The following RALGPS1 variants were observed in gnomAD, a reference collection of about 807,000 sequenced individuals.
RALGPS1 encodes the protein ras-specific guanine nucleotide-releasing factor RalGPS1.
Under a neutral mutation model 78.8 loss-of-function variants are expected in RALGPS1, and 19 were observed. The observed-to-expected ratio is 0.24, with a 90% CI of 0.17 to 0.35. The LOEUF (loss-of-function observed/expected upper bound fraction) is 0.35, where lower values mean the gene tolerates loss of function less well. RALGPS1 is among the 10% of genes least tolerant of loss of function. The pLI is 1.00. For synonymous variants in RALGPS1, 228 were observed against 256.3 expected (o/e 0.89, Z 1.06); for missense variants, 454 against 688.3 (o/e 0.66, Z 3.81).
At chr9:126,927,404 GT>G (rs1375926927) in intron 1 of RALGPS1, among the ~76,000 whole-genome samples, 1 of 152,136 alleles carries the variant, frequency 6.6e-6, no homozygotes, top group African/African-American at 2.4e-5. Flanking sequence ...GAAACCGGTG[GT>G]GGGGGCACCA....
At chr9:126,991,163 G>A (rs1448054463) in intron 4 of RALGPS1, among the ~76,000 whole-genome samples, 1 of 152,162 alleles carries the variant, frequency 6.6e-6, no homozygotes, top group Non-Finnish European at 1.5e-5. Context: ...AAATTGGTCT[G>A]TTTTAACAGT....
At chr9:126,923,563 AT>A (rs2034974700) in intron 1 of RALGPS1, among the ~76,000 whole-genome samples, 1 of 152,230 alleles carries the variant, frequency 6.6e-6, no homozygotes, top group Non-Finnish European at 1.5e-5. Context: ...GTCTTGTTTC[AT>A]GCTTATGGGT....
intron 9 of RALGPS1, among the ~76,000 whole-genome samples, chr9:127,168,271 T>C (rs1015894813): frequency 1.6e-4 from 25 of 152,250 alleles, no homozygotes; most frequent in African/African-American, 6.0e-4. Flanking sequence ...AGCTGGTGGG[T>C]AGATATAGGA....
At chr9:126,979,380 C>G (rs369755303) in intron 4 of RALGPS1, among the ~76,000 whole-genome samples, 3 of 151,900 alleles carry the variant, frequency 2.0e-5, no homozygotes, top group Admixed American at 2.0e-4. Context: ...GTGGTATGAT[C>G]CATTATTTCT....
chr9:127,014,775 C>T (rs932861891), intron 4 of RALGPS1, among the ~76,000 whole-genome samples: 2 of 152,040 alleles, frequency 1.3e-5, no homozygotes, highest in Non-Finnish European at 2.9e-5. Context: ...CCCCATCCCC[C>T]ACCTCATCAG....
At position 127,219,044 on chromosome 9, in the gene RALGPS1, G is replaced by A; in HGVS notation, c.*275G>A. ...CACGCCCTCTCTGGGCCCACCACCT[G>A]CATCTGCGACTAGAGAGCACCCGGC... is the stretch of plus-strand genomic sequence containing the variant. On this transcript the variant is annotated 3_prime_UTR_variant, in exon 19 of 19. Transcript: ENST00000259351. The surrounding 1 kb of genome is among the most constrained non-coding windows in gnomAD (Gnocchi z 5.0). 1.9e-6 allele frequency: 1 copy of A among 521,930 alleles called. No homozygotes were observed. The allele number at this position is 521,930 out of a possible 1,614,324, so 32.3% of individuals were successfully genotyped here. A position where few individuals can be genotyped will look rare whatever the true frequency, so the allele number is the denominator to read the frequency against.
At chr9:127,009,639 G>A (rs1231190455) in intron 4 of RALGPS1, among the ~76,000 whole-genome samples, 1 of 152,140 alleles carries the variant, frequency 6.6e-6, no homozygotes, top group Non-Finnish European at 1.5e-5. Context: ...TTGAAACTTG[G>A]GCCTTCCCAC....
chr9:127,155,743 T>C (rs1384146840), intron 8 of RALGPS1, among the ~76,000 whole-genome samples: 1 of 152,128 alleles, frequency 6.6e-6, no homozygotes. Context: ...CACTAACAGA[T>C]TGGAGTCAGT....
chr9:126,976,830 G>A (rs988773762), intron 3 of RALGPS1, among the ~76,000 whole-genome samples: 1 of 152,204 alleles, frequency 6.6e-6, no homozygotes, highest in Non-Finnish European at 1.5e-5. Flanking sequence ...ATGGAGGTAG[G>A]TGGATCACGT....
At chr9:127,019,837 A>G (rs1351656577) in intron 4 of RALGPS1, among the ~76,000 whole-genome samples, 1 of 152,070 alleles carries the variant, frequency 6.6e-6, no homozygotes, top group African/African-American at 2.4e-5. Context: ...TCAAATTTCA[A>G]TTCAAATTCC....
chr9:127,189,307 C>G (rs954283247), intron 11 of RALGPS1, among the ~76,000 whole-genome samples: 42 of 152,308 alleles, frequency 2.8e-4, no homozygotes, highest in Non-Finnish European at 1.2e-4. Flanking sequence ...TGTATCCACT[C>G]GTAGACCCAT....
chr9:126,922,833 G>T (rs1352529940), intron 1 of RALGPS1, among the ~76,000 whole-genome samples: 1 of 152,256 alleles, frequency 6.6e-6, no homozygotes, highest in Non-Finnish European at 1.5e-5. Flanking sequence ...AGAATGGTCT[G>T]AGCATGCCAT....
chr9:126,967,345 C>T (rs2039612286), intron 3 of RALGPS1, among the ~76,000 whole-genome samples: 1 of 152,192 alleles, frequency 6.6e-6, no homozygotes, highest in African/African-American at 2.4e-5. Context: ...CTTCCCCAGG[C>T]TCACCTGCAT....
At chr9:127,214,695 C>T (rs2062474416) in intron 17 of RALGPS1, 56 bp from the exon 18 acceptor site, 6 of 1,562,072 alleles carry the variant, frequency 3.8e-6, no homozygotes, top group East Asian at 2.4e-5. Context: ...ATGCCAGTCA[C>T]CAGCTGACCC....
intron 5 of RALGPS1, among the ~76,000 whole-genome samples, chr9:127,047,576 G>A (rs1321771564): frequency 6.6e-6 from 1 of 152,050 alleles, no homozygotes; most frequent in Non-Finnish European, 1.5e-5. Context: ...GTGCATGCCT[G>A]TAATCCCAGC....
At chr9:127,107,795 G>T (rs537153945) in intron 8 of RALGPS1, 29 of 1,035,826 alleles carry the variant, frequency 2.8e-5, no homozygotes, top group Non-Finnish European at 4.0e-5. Context: ...CTGGGGGATT[G>T]TGCATGTCTT....
intron 8 of RALGPS1, chr9:127,108,334 C>T (rs1015094610): frequency 1.9e-6 from 3 of 1,613,014 alleles, no homozygotes; most frequent in Non-Finnish European, 1.7e-6. Flanking sequence ...CTGCGTGACC[C>T]GCGAGTTCAT....
At chr9:127,125,346 C>T (rs908579019) in intron 8 of RALGPS1, among the ~76,000 whole-genome samples, 3 of 152,154 alleles carry the variant, frequency 2.0e-5, no homozygotes, top group Non-Finnish European at 4.4e-5. Context: ...AGTGAATAAA[C>T]GAACTGCTGG....
At chr9:127,157,537 A>G (rs1348060155) in intron 8 of RALGPS1, among the ~76,000 whole-genome samples, 2 of 152,054 alleles carry the variant, frequency 1.3e-5, no homozygotes, top group African/African-American at 4.8e-5. Context: ...TCTATCAAAT[A>G]TGTTTTATTC....
Sources: allele counts gnomAD v4.1 joint callset (sites outside exome capture counted in the v4.1 genomes callset), GRCh38; gene constraint gnomAD v4.1.1; non-coding constraint Gnocchi (gnomAD v3.1); transcripts MANE v1.5; gene names NCBI Gene and HGNC (gene_info 2026-07-23, HGNC 2026-07-21).